The following LONRF1 variants were observed in gnomAD, a reference collection of about 807,000 sequenced individuals.
LONRF1 encodes the protein LON peptidase N-terminal domain and ring finger 1, also known as LON peptidase N-terminal domain and RING finger protein 1.
In LONRF1, 37 loss-of-function variants were observed where a neutral mutation model predicts 85.8. The ratio of observed to expected loss-of-function variants is 0.43; its 90% CI spans 0.33 to 0.57. The LOEUF is 0.57. Ranked by LOEUF, LONRF1 falls within the 20% of genes least tolerant of loss-of-function variation. The pLI is 0.04. For missense variants in LONRF1, 1,036 were observed against 978.0 expected (o/e 1.06, Z -0.79); for synonymous variants, 517 against 390.1 (o/e 1.33, Z -3.83).
At chr8:12,743,066 C>G (rs1799002456) in intron 2 of LONRF1, 98 bp downstream of exon 2, 1 of 774,250 alleles carries the variant, frequency 1.3e-6, no homozygotes, top group Non-Finnish European at 2.3e-6. Flanking sequence ...TATTTGGAGT[C>G]AACCATCTAC....
intron 4 of LONRF1, among the ~76,000 whole-genome samples, 183 bp downstream of exon 4, chr8:12,737,812 G>C (rs1411504001): frequency 6.6e-6 from 1 of 152,122 alleles, no homozygotes; most frequent in East Asian, 1.9e-4. Context: ...TGATTCATTA[G>C]CAAATATTTT....
At chr8:12,740,825 T>A in intron 3 of LONRF1, 49 bp downstream of exon 3, 1 of 1,569,660 alleles carries the variant, frequency 6.4e-7, no homozygotes. Flanking sequence ...TTTAAACCTG[T>A]CTGCCTCTTA....
chr8:12,741,302 TG>T (rs1248385803), intron 2 of LONRF1, among the ~76,000 whole-genome samples: 2 of 152,094 alleles, frequency 1.3e-5, no homozygotes, highest in African/African-American at 4.8e-5. Flanking sequence ...GAAAATCACT[TG>T]AATATGGGAG....
chr8:12,733,132 T>A (rs1336207256), intron 7 of LONRF1, among the ~76,000 whole-genome samples: 1 of 152,140 alleles, frequency 6.6e-6, no homozygotes, highest in Non-Finnish European at 1.5e-5. Flanking sequence ...TGACAGATGC[T>A]GCTGGTCAGG....
rs768695492 is a variant in LONRF1 at position 12,737,229 on chromosome 8, T to C, written c.1114-89A>G. ...GAATCAAACTGAAATGAAATTTCAATGCCTTATAATGCTCATTTTAATGTT... is the reference window on the plus strand; with the variant it reads ...GAATCAAACTGAAATGAAATTTCAACGCCTTATAATGCTCATTTTAATGTT... On this transcript the variant is annotated intron_variant, in intron 4 of 11. Coordinates refer to ENST00000398246, the MANE Select transcript of LONRF1 (RefSeq NM_152271.5). 1.2e-5 allele frequency: 16 copies of C among 1,351,756 alleles called. No homozygotes were observed. The East Asian group carries it at 3.7e-4, about 31-fold the overall frequency. The allele number at this position is 1,351,756 out of a possible 1,614,324, so 83.7% of individuals were successfully genotyped here. A position where few individuals can be genotyped will look rare whatever the true frequency, so the allele number is the denominator to read the frequency against.
intron 6 of LONRF1, 136 bp from the exon 7 acceptor site, chr8:12,735,536 A>C (rs13272425): frequency 8.1e-6 from 5 of 620,550 alleles, no homozygotes; most frequent in Admixed American, 2.7e-5. Flanking sequence ...GAGGAGAGAA[A>C]GGGCAGTGAT....
intron 1 of LONRF1, among the ~76,000 whole-genome samples, chr8:12,747,385 A>G (rs1799204634): frequency 1.3e-5 from 2 of 152,236 alleles, no homozygotes; most frequent in South Asian, 2.1e-4. Context: ...GTTTTTTTCA[A>G]ATCACAAAAG....
intron 1 of LONRF1, among the ~76,000 whole-genome samples, chr8:12,745,176 G>C (rs1341043983): frequency 3.3e-5 from 5 of 152,120 alleles, no homozygotes; most frequent in African/African-American, 4.8e-5. Flanking sequence ...TAAAAAGTCA[G>C]TATATGTTGG....
intron 4 of LONRF1, chr8:12,737,387 A>C (rs1407812975): frequency 3.0e-6 from 2 of 657,346 alleles, no homozygotes; most frequent in African/African-American, 3.6e-5. Flanking sequence ...TTCTAAAAAA[A>C]AGCCTGAACA....
At chr8:12,753,523 G>A (rs1164563600) in intron 1 of LONRF1, 1 of 152,266 alleles carries the variant, frequency 6.6e-6, no homozygotes, top group East Asian at 1.9e-4. Flanking sequence ...TGCCTAGTAG[G>A]ATGTCTGAGC....
intron 1 of LONRF1, among the ~76,000 whole-genome samples, chr8:12,752,258 A>C (rs1179060223): frequency 6.6e-6 from 1 of 152,218 alleles, no homozygotes; most frequent in Non-Finnish European, 1.5e-5. Context: ...GCCAATTCCA[A>C]AGAAGTTAAA....
In LONRF1 at chr8:12,722,133, A is replaced by C. The variant is rs13328386; in HGVS notation, c.*963T>G. The C allele has an allele frequency of 5.2e-5, 8 of 152,602 alleles. No individual in the cohort carries two copies. The highest frequency in any genetic ancestry group is 1.9e-4 in the African/African-American group (8 of 41,414). The allele number at this position is 152,602 out of a possible 1,614,324, so 9.5% of individuals were successfully genotyped here. A position where few individuals can be genotyped will look rare whatever the true frequency, so the allele number is the denominator to read the frequency against. ...AACATTTGCACCGAGACCAGAATTA[A>C]AAACAAAAACAAACTTTAAAAGCTT... On this transcript the variant is annotated 3_prime_UTR_variant, in exon 12 of 12. Transcript: ENST00000398246.
At chr8:12,725,667 A>C (rs1798269679) in intron 11 of LONRF1, 60 bp downstream of exon 11, 2 of 1,519,776 alleles carry the variant, frequency 1.3e-6, no homozygotes, top group South Asian at 1.2e-5. Context: ...CAAATGTAGA[A>C]GTGTGCAAAT....
chr8:12,745,518 T>A (rs1403842704), intron 1 of LONRF1, among the ~76,000 whole-genome samples: 4 of 152,146 alleles, frequency 2.6e-5, no homozygotes, highest in African/African-American at 9.7e-5. Context: ...TGGCTATCAG[T>A]CCTGACTGTA....
rs368234214 is a variant in LONRF1, at chr8:12,741,015, T to C, written c.841-19A>G. 1.8e-5 allele frequency: 29 copies of C among 1,609,586 alleles called. No homozygotes were observed. Among genetic ancestry groups the C allele is most frequent in the Middle Eastern group, 3.3e-4 (2 of 6,036 alleles). ...AGTAGACCTTTAATAAAAGCAGATA[T>C]ATAAAACCTTTGTGTTAAGAATTGC... On this transcript the variant is annotated intron_variant, in intron 2 of 11. Coordinates refer to ENST00000398246, the MANE Select transcript of LONRF1 (RefSeq NM_152271.5).
At chr8:12,748,871 G>C (rs1799269123) in intron 1 of LONRF1, among the ~76,000 whole-genome samples, 1 of 149,918 alleles carries the variant, frequency 6.7e-6, no homozygotes, top group African/African-American at 2.5e-5. Context: ...TACCAGGGTT[G>C]AGCTCAAAGC....
chr8:12,725,802 C>G lies in LONRF1; in HGVS notation c.2088G>C (p.Gln696His), dbSNP rs1229570165. The change falls in exon 11 of 12, where the codon CAG becomes CAC. Residue 696 changes from glutamine to histidine, a missense_variant. Gln to His is a conservative substitution (Grantham distance 24, BLOSUM62 0). This residue lies in a region of LONRF1 where 265 missense variants were observed against 301.5 expected (regional missense o/e 0.88). Coordinates refer to ENST00000398246, the MANE Select transcript of LONRF1 (RefSeq NM_152271.5). The part of the protein sequence containing the change: ...LVYSQACSWF[Q>H]NLRDRFRSQI... ...GGCTTCGAAATCTGTCTCTTAAATT[C>G]TGAAACCAGCTGCAGGCTTGAGAGT... 1 of 1,613,736 alleles carries G rather than the reference C, an allele frequency of 6.2e-7. No homozygotes were observed. The highest frequency in any genetic ancestry group is 8.5e-7 in the Non-Finnish European group (1 of 1,179,830).
rs1799598761 is a variant in LONRF1, at chr8:12,755,314, T to C, written c.107A>G (p.His36Arg). The C allele has an allele frequency of 1.6e-6, 2 of 1,247,084 alleles. No individual in the cohort carries two copies. The highest frequency in any genetic ancestry group is 3.1e-4 in the Middle Eastern group (1 of 3,176). 77.3% of individuals were successfully genotyped at this position (1,247,084 alleles called of 1,614,324 possible). Residue 36 changes from histidine (H) to arginine (R), a missense_variant, in exon 1 of 12, where the codon CAT becomes CGT. This residue lies in a region of LONRF1 where 742 missense variants were observed against 614.4 expected (regional missense o/e 1.21). Coordinates refer to ENST00000398246, the MANE Select transcript of LONRF1 (RefSeq NM_152271.5). ...RFWEVGGGSG[H>R]RLERAAAESE... ...CTCCGCGGCCGCGCGCTCCAGCCGA[T>C]GGCCGCTGCCGCCGCCCACTTCCCA...
intron 3 of LONRF1, chr8:12,738,826 G>C (rs1338541403): frequency 6.6e-6 from 1 of 152,072 alleles, no homozygotes; most frequent in Admixed American, 6.6e-5. Flanking sequence ...GAAATGAAAG[G>C]GATTCTGATA....
Sources: allele counts gnomAD v4.1 joint callset (sites outside exome capture counted in the v4.1 genomes callset), GRCh38; gene constraint gnomAD v4.1.1; regional missense constraint gnomAD v4.1.1; transcripts MANE v1.5; gene names NCBI Gene and HGNC (gene_info 2026-07-23, HGNC 2026-07-21).